NSG2: variants seen among roughly 807,000 people sequenced by gnomAD.
The protein encoded by NSG2 is neuronal vesicle trafficking associated 2.
A neutral mutation model predicts 16.9 loss-of-function variants in NSG2; 4 were observed. The observed-to-expected ratio is 0.24, with a 90% confidence interval of 0.12 to 0.54. The LOEUF (loss-of-function observed/expected upper bound fraction) is 0.54, where lower values mean the gene tolerates loss of function less well. NSG2 is among the 20% of genes least tolerant of loss of function. The probability of loss-of-function intolerance (pLI) is 0.95; values close to 1 mark genes in which losing one functional copy is unlikely to be tolerated. For missense variants in NSG2, 179 were observed against 221.1 expected (o/e 0.81, Z 1.21); for synonymous variants, 98 against 88.7 (o/e 1.11, Z -0.59).
At chr5:174,080,169 A>G (rs1760423842) in intron 3 of NSG2, among the ~76,000 whole-genome samples, 1 of 151,782 alleles carries the variant, frequency 6.6e-6, no homozygotes, top group Non-Finnish European at 1.5e-5. Context: ...GTTTTTTGTT[A>G]TTGTATACCA....
chr5:174,097,279 C>T (rs1004075071), intron 3 of NSG2, among the ~76,000 whole-genome samples: 1 of 152,072 alleles, frequency 6.6e-6, no homozygotes, highest in Non-Finnish European at 1.5e-5. Flanking sequence ...GGTGCCAGCC[C>T]AAACCCTGAT....
intron 3 of NSG2, among the ~76,000 whole-genome samples, chr5:174,095,803 A>G (rs921962815): frequency 3.3e-5 from 5 of 152,296 alleles, no homozygotes; most frequent in African/African-American, 9.6e-5. Flanking sequence ...AGGAAACTCA[A>G]AAGATTAAAG....
chr5:174,073,488 G>C (rs548670341), intron 3 of NSG2, among the ~76,000 whole-genome samples: 109 of 152,308 alleles, frequency 7.2e-4, no homozygotes, highest in African/African-American at 2.5e-3. Flanking sequence ...GGCTGCCAGA[G>C]TGTTTCATGT....
At chr5:174,098,250 C>T (rs1020429720) in intron 3 of NSG2, among the ~76,000 whole-genome samples, 6 of 152,110 alleles carry the variant, frequency 3.9e-5, no homozygotes, top group Non-Finnish European at 8.8e-5. Flanking sequence ...ACAGTGTGAA[C>T]CAGTGGGGAG....
At chr5:174,048,322 A>G (rs1417351833) in intron 2 of NSG2, among the ~76,000 whole-genome samples, 1 of 152,218 alleles carries the variant, frequency 6.6e-6, no homozygotes, top group Non-Finnish European at 1.5e-5. Context: ...AGAGTCTCTG[A>G]GAGTGAGACC....
At chr5:174,097,391 C>T (rs531290371) in intron 3 of NSG2, among the ~76,000 whole-genome samples, 22 of 151,604 alleles carry the variant, frequency 1.5e-4, no homozygotes, top group Non-Finnish European at 2.9e-4. Context: ...TTCCGTGCAC[C>T]ACTACACCTG....
chr5:174,051,016 G>A (rs772605199), intron 2 of NSG2, among the ~76,000 whole-genome samples: 2 of 152,110 alleles, frequency 1.3e-5, no homozygotes, highest in African/African-American at 2.4e-5. Context: ...TCTGGCCTGC[G>A]CTGGCCTCCA....
intron 3 of NSG2, among the ~76,000 whole-genome samples, chr5:174,099,532 G>C (rs999304331): frequency 6.6e-6 from 1 of 151,764 alleles, no homozygotes; most frequent in Non-Finnish European, 1.5e-5. Flanking sequence ...TTCTCACCTT[G>C]TCGCTTCCCT....
At chr5:174,088,186 C>A (rs960936055) in intron 3 of NSG2, among the ~76,000 whole-genome samples, 1 of 152,184 alleles carries the variant, frequency 6.6e-6, no homozygotes, top group African/African-American at 2.4e-5. Flanking sequence ...TTCCACCTTT[C>A]GGCGTTTTGG....
At chr5:174,066,749 CATT>C (rs1404564838) in intron 3 of NSG2, among the ~76,000 whole-genome samples, 1 of 151,940 alleles carries the variant, frequency 6.6e-6, no homozygotes, top group African/African-American at 2.4e-5. Context: ...ATCCAGCAGT[CATT>C]TGAAATGATG....
At chr5:174,103,710 G>T (rs1760935289) in intron 3 of NSG2, among the ~76,000 whole-genome samples, 1 of 152,126 alleles carries the variant, frequency 6.6e-6, no homozygotes, top group African/African-American at 2.4e-5. Flanking sequence ...ACTTTGAGAG[G>T]CCGAAGCAGG....
At chr5:174,070,138 C>T (rs1015144872) in intron 3 of NSG2, among the ~76,000 whole-genome samples, 9 of 152,078 alleles carry the variant, frequency 5.9e-5, no homozygotes, top group South Asian at 2.1e-4. Context: ...CCTCCTGCCT[C>T]GGCCTCCCAA....
chr5:174,082,911 C>A (rs1760510431), intron 3 of NSG2, among the ~76,000 whole-genome samples: 2 of 152,194 alleles, frequency 1.3e-5, no homozygotes, highest in African/African-American at 2.4e-5. Context: ...GCCAATGGAA[C>A]CATGTCCATG....
rs573154080 is a variant in NSG2 at position 174,107,074 on chromosome 5, G to A, written c.325-240G>A. 1.3e-4 allele frequency among the ~76,000 whole-genome samples: 20 copies of A among 152,140 alleles called. No individual in the cohort carries two copies. Among genetic ancestry groups the A allele is most frequent in the Admixed American group, 2.0e-4 (3 of 15,280 alleles). ...GACAGTCAGTATGCAGAGAAGGCTGGCCTTGAATCAGTGTCAATATCAGGT... is the reference window on the plus strand; with the variant it reads ...GACAGTCAGTATGCAGAGAAGGCTGACCTTGAATCAGTGTCAATATCAGGT... On this transcript the variant is annotated intron_variant, in intron 4 of 4. Transcript: ENST00000303177. This position sits in a 1 kb window ranked among gnomAD's most constrained non-coding sequence, Gnocchi z 4.5.
At chr5:174,076,361 C>CA (rs760562714) in intron 3 of NSG2, among the ~76,000 whole-genome samples, 3 of 151,880 alleles carry the variant, frequency 2.0e-5, no homozygotes, top group African/African-American at 4.8e-5. Context: ...ATTTGGGTAG[C>CA]ATTTGTGGCT....
chr5:174,107,548 A>AC lies in NSG2; in HGVS notation c.*48dup. 1.5e-6 allele frequency: 2 copies of AC among 1,327,196 alleles called. No homozygotes were observed. Among genetic ancestry groups the AC allele is most frequent in the Non-Finnish European group, 2.0e-6 (2 of 1,002,958 alleles). The allele number at this position is 1,327,196 out of a possible 1,614,324, so 82.2% of individuals were successfully genotyped here. On this transcript the variant is annotated 3_prime_UTR_variant, in exon 5 of 5. Transcript: ENST00000303177. The surrounding 1 kb of genome is among the most constrained non-coding windows in gnomAD (Gnocchi z 4.5). ...AATGGGGGGCGGGGTGGAGAGGAGG[A>AC]CCCCCATTGGCTAAGCCAAGCTCCA...
At chr5:174,053,151 C>A (rs984667061) in intron 2 of NSG2, among the ~76,000 whole-genome samples, 1 of 152,180 alleles carries the variant, frequency 6.6e-6, no homozygotes, top group Non-Finnish European at 1.5e-5. Flanking sequence ...TGCTTAGCAT[C>A]TCTGGGCTTT....
chr5:174,049,846 C>T (rs867130848), intron 2 of NSG2, among the ~76,000 whole-genome samples: 26 of 152,156 alleles, frequency 1.7e-4, no homozygotes, highest in African/African-American at 6.3e-4. Flanking sequence ...TACATTGTTT[C>T]CCTGACATGA....
In NSG2 at chr5:174,097,413, G is replaced by A. The variant is rs145410475; in HGVS notation, c.214-6815G>A. ...CACCACTACACCTGCACACGGCACG[G>A]TTTGGGCCAGGTTGCCGTCTGTCTG... On this transcript the variant is annotated intron_variant, in intron 3 of 4. Transcript: ENST00000303177. 9.5e-3 allele frequency among the ~76,000 whole-genome samples: 1,441 copies of A among 151,662 alleles called. 24 individuals are homozygous for A. The highest frequency in any genetic ancestry group is 0.029 in the African/African-American group (1,187 of 41,352).
Sources: gnomAD v4.1 joint callset for allele counts (sites outside exome capture counted in the v4.1 genomes callset) on GRCh38, gnomAD v4.1.1 for gene constraint, Gnocchi (gnomAD v3.1) non-coding constraint, MANE v1.5 for transcripts, NCBI Gene and HGNC (gene_info 2026-07-23, HGNC 2026-07-21) for gene names.